Variants in GRIK1 observed in about 807,000 individuals in gnomAD.
GRIK1 encodes glutamate ionotropic receptor kainate type subunit 1.
GRIK1 carries 69 observed loss-of-function variants against 105.7 expected under a neutral mutation model. The observed-to-expected ratio is 0.65, with a 90% CI of 0.54 to 0.80. GRIK1 has a LOEUF of 0.80. GRIK1 is among the 30% of genes least tolerant of loss of function. The pLI is 0.00. For missense variants in GRIK1, 1,109 were observed against 1,167.3 expected (o/e 0.95, Z 0.73); for synonymous variants, 438 against 431.3 (o/e 1.02, Z -0.19).
chr21:29,571,539 A>G (rs1174688949), intron 14 of GRIK1, among the ~76,000 whole-genome samples: 1 of 152,218 alleles, frequency 6.6e-6, no homozygotes, highest in Admixed American at 6.5e-5. Flanking sequence ...AGCCAAGTCT[A>G]GGAGAAAAAG....
intron 4 of GRIK1, among the ~76,000 whole-genome samples, chr21:29,670,984 C>T (rs960247562): frequency 1.3e-5 from 2 of 152,192 alleles, no homozygotes; most frequent in African/African-American, 4.8e-5. Flanking sequence ...GCAGGAGTGA[C>T]AGCATCTCAT....
intron 4 of GRIK1, among the ~76,000 whole-genome samples, chr21:29,667,309 A>T (rs1463772163): frequency 1.1e-4 from 16 of 152,200 alleles, no homozygotes; most frequent in African/African-American, 3.9e-4. Context: ...ATATATGAGG[A>T]GAGAATCAAT....
chr21:29,810,302 A>T (rs918595815), intron 1 of GRIK1, among the ~76,000 whole-genome samples: 1 of 152,076 alleles, frequency 6.6e-6, no homozygotes, highest in African/African-American at 2.4e-5. Flanking sequence ...GTCTTAAAAA[A>T]AAAAAAAAAA....
At chr21:29,646,328 A>G (rs1601360845) in intron 6 of GRIK1, among the ~76,000 whole-genome samples, 2 of 152,288 alleles carry the variant, frequency 1.3e-5, no homozygotes, top group Admixed American at 6.5e-5. Context: ...GTTGTCATAG[A>G]TCATTGCTGA....
In GRIK1 at chr21:29,591,225, T is replaced by C. The variant is rs201574479; in HGVS notation, c.1252A>G (p.Ile418Val). The C allele has an allele frequency of 6.1e-5, 95 of 1,554,594 alleles. No individual in the cohort carries two copies. The highest frequency in any genetic ancestry group is 8.2e-5 in the Non-Finnish European group (92 of 1,126,002). Residue 418 changes from isoleucine (I) to valine (V), a missense_variant and splice_region_variant, in exon 10 of 18, where the codon ATT becomes GTT. Physicochemically the swap from Ile to Val is conservative, Grantham distance 29. This residue lies in a region of GRIK1 where 612 missense variants were observed against 586.0 expected (regional missense o/e 1.04). Coordinates refer to ENST00000327783, the MANE Select transcript of GRIK1 (RefSeq NM_001330994.2). Reference protein sequence around the residue: ...SKHLYKVWKKIGIWNSNSGLN... With the variant: ...SKHLYKVWKKVGIWNSNSGLN... ...CCACTGTTGGAATTCCAAATCCCAA[T>C]CTACACAGAACACAGTACATCAGAG...
chr21:29,557,858 T>A (rs2090295396), intron 15 of GRIK1, among the ~76,000 whole-genome samples: 1 of 152,042 alleles, frequency 6.6e-6, no homozygotes, highest in South Asian at 2.1e-4. Flanking sequence ...CTTTGAAGAG[T>A]GTAAGAATGA....
At chr21:29,851,419 C>T (rs1343267055) in intron 1 of GRIK1, among the ~76,000 whole-genome samples, 3 of 152,126 alleles carry the variant, frequency 2.0e-5, no homozygotes, top group Non-Finnish European at 2.9e-5. Flanking sequence ...TTTACAAAGG[C>T]AATAATAGAC....
At chr21:29,868,980 G>GAAAAGTAAAA (rs936900768) in intron 1 of GRIK1, among the ~76,000 whole-genome samples, 1 of 152,138 alleles carries the variant, frequency 6.6e-6, no homozygotes, top group African/African-American at 2.4e-5. Context: ...ACAGTGAAAT[G>GAAAAGTAAAA]AAAAGTAAAT....
intron 1 of GRIK1, among the ~76,000 whole-genome samples, chr21:29,729,549 A>G (rs1005741216): frequency 6.6e-6 from 1 of 152,202 alleles, no homozygotes; most frequent in African/African-American, 2.4e-5. Context: ...AATCCTTGCC[A>G]GGTGAGCTTA....
chr21:29,650,683 C>G (rs1158108351), intron 6 of GRIK1, among the ~76,000 whole-genome samples: 2 of 152,202 alleles, frequency 1.3e-5, no homozygotes. Context: ...AATACACCGA[C>G]TGTTTGTAAA....
At chr21:29,584,491 A>T (rs1412761502) in intron 12 of GRIK1, among the ~76,000 whole-genome samples, 1 of 152,198 alleles carries the variant, frequency 6.6e-6, no homozygotes, top group African/African-American at 2.4e-5. Flanking sequence ...CAAAACAAAA[A>T]CCCTGACATA....
At chr21:29,853,465 G>T (rs1041083927) in intron 1 of GRIK1, among the ~76,000 whole-genome samples, 1 of 152,202 alleles carries the variant, frequency 6.6e-6, no homozygotes, top group Admixed American at 6.5e-5. Context: ...AGGAAGCCAA[G>T]TATCTCTTAG....
intron 7 of GRIK1, among the ~76,000 whole-genome samples, chr21:29,608,373 A>T (rs1167520734): frequency 1.3e-5 from 2 of 152,142 alleles, no homozygotes; most frequent in African/African-American, 4.8e-5. Context: ...AGGAAACAGA[A>T]TTTTATTTAC....
intron 1 of GRIK1, among the ~76,000 whole-genome samples, chr21:29,757,704 A>G (rs1254679684): frequency 1.3e-5 from 2 of 152,238 alleles, no homozygotes; most frequent in Non-Finnish European, 2.9e-5. Context: ...AACTTTAAGC[A>G]GGGTTTTTCA....
intron 7 of GRIK1, chr21:29,601,195 AG>A (rs1331552338): frequency 2.0e-6 from 1 of 504,228 alleles, no homozygotes; most frequent in Admixed American, 1.9e-5. Flanking sequence ...AAAAAGGCAG[AG>A]GAAGAGAGCA....
At chr21:29,708,130 C>A (rs2063961943) in intron 1 of GRIK1, among the ~76,000 whole-genome samples, 1 of 152,202 alleles carries the variant, frequency 6.6e-6, no homozygotes, top group African/African-American at 2.4e-5. Context: ...AAATGCCCAA[C>A]TGAATTGCAA....
At chr21:29,568,469 T>C (rs1343963492) in intron 14 of GRIK1, among the ~76,000 whole-genome samples, 1 of 152,210 alleles carries the variant, frequency 6.6e-6, no homozygotes, top group Non-Finnish European at 1.5e-5. Flanking sequence ...TGATAAAGGT[T>C]AGAGAATCCC....
At chr21:29,753,437 T>C (rs931355772) in intron 1 of GRIK1, among the ~76,000 whole-genome samples, 1 of 152,182 alleles carries the variant, frequency 6.6e-6, no homozygotes, top group African/African-American at 2.4e-5. Context: ...GCAAATTGGA[T>C]GCTCAAGACA....
At chr21:29,790,650 A>T (rs987609925) in intron 1 of GRIK1, among the ~76,000 whole-genome samples, 1 of 151,752 alleles carries the variant, frequency 6.6e-6, no homozygotes, top group Admixed American at 6.6e-5. Flanking sequence ...ATGAGGTCTC[A>T]CTATGTCAGT....
Sources: gnomAD v4.1 joint callset for allele counts (sites outside exome capture counted in the v4.1 genomes callset) on GRCh38, gnomAD v4.1.1 for gene constraint, gnomAD v4.1.1 regional missense constraint, MANE v1.5 for transcripts, NCBI Gene and HGNC (gene_info 2026-07-23, HGNC 2026-07-21) for gene names.